The following MLIP variants were observed in gnomAD, a reference collection of about 807,000 sequenced individuals.
MLIP encodes muscular LMNA interacting protein, also known as muscular LMNA-interacting protein.
MLIP carries 79 observed loss-of-function variants against 84.8 expected under a neutral mutation model. The ratio of observed to expected loss-of-function variants is 0.93; its 90% confidence interval spans 0.78 to 1.12. MLIP has a LOEUF of 1.12. Among genes scored for constraint, MLIP ranks in the 50% most tolerant of loss-of-function variants. The pLI is 0.00. For missense variants in MLIP, 1,257 were observed against 1,160.6 expected, an observed-to-expected ratio of 1.08 and a Z score of -1.21; for synonymous variants, 504 against 463.0, an observed-to-expected ratio of 1.09 and a Z score of -1.14.
upstream of MLIP, among the ~76,000 whole-genome samples, chr6:54,110,936 G>A (rs187151057): frequency 2.8e-4 from 43 of 152,322 alleles, 1 homozygote; most frequent in African/African-American, 9.4e-4. Context: ...AGATGCTCCT[G>A]TATTGTTGCT....
chr6:54,205,188 A>G (rs956511951), intron 11 of MLIP, among the ~76,000 whole-genome samples: 3 of 152,256 alleles, frequency 2.0e-5, no homozygotes, highest in African/African-American at 7.2e-5. Flanking sequence ...TGCTTAAAAA[A>G]TAACTTGAAT....
intron 9 of MLIP, among the ~76,000 whole-genome samples, chr6:54,179,822 A>C (rs1196459834): frequency 6.6e-6 from 1 of 152,142 alleles, no homozygotes; most frequent in Non-Finnish European, 1.5e-5. Flanking sequence ...TCTACTTAAA[A>C]GCAGTTTACA....
At chr6:54,246,873 G>A (rs1782120473) in intron 12 of MLIP, among the ~76,000 whole-genome samples, 1 of 152,008 alleles carries the variant, frequency 6.6e-6, no homozygotes. Flanking sequence ...AATTCTAGGT[G>A]TTTATTTCTG....
intron 3 of MLIP, among the ~76,000 whole-genome samples, chr6:54,130,715 T>C (rs1247709898): frequency 1.3e-5 from 2 of 152,110 alleles, no homozygotes; most frequent in African/African-American, 2.4e-5. Context: ...ACGGGGAGGA[T>C]GCCTAAGTCA....
intron 3 of MLIP, among the ~76,000 whole-genome samples, chr6:54,125,240 C>A (rs1188654640): frequency 1.3e-5 from 2 of 152,018 alleles, no homozygotes; most frequent in South Asian, 4.2e-4. Context: ...ATATTTCAGA[C>A]GTAAGAAAGA....
chr6:54,099,138 T>C (rs987685178), intron 1 of MLIP, among the ~76,000 whole-genome samples: 1 of 152,208 alleles, frequency 6.6e-6, no homozygotes, highest in Non-Finnish European at 1.5e-5. Flanking sequence ...AAAAGTTGTT[T>C]TGAGAAGGAA....
At chr6:54,044,755 A>G (rs1175888841) in intron 1 of MLIP, among the ~76,000 whole-genome samples, 1 of 152,130 alleles carries the variant, frequency 6.6e-6, no homozygotes, top group African/African-American at 2.4e-5. Flanking sequence ...GGTCGGTGAA[A>G]TTAATGCCAC....
At chr6:54,188,000 C>T (rs530762186) in intron 9 of MLIP, among the ~76,000 whole-genome samples, 8 of 152,048 alleles carry the variant, frequency 5.3e-5, no homozygotes, top group East Asian at 3.9e-4. Context: ...AGGGAGACTC[C>T]GTCTCAAATT....
intron 11 of MLIP, among the ~76,000 whole-genome samples, chr6:54,212,552 T>C (rs1779533821): frequency 6.6e-6 from 1 of 152,204 alleles, no homozygotes; most frequent in African/African-American, 2.4e-5. Flanking sequence ...CCTGTGTGTG[T>C]GCGCCTGTGT....
chr6:54,215,032 G>A (rs1779752130), intron 11 of MLIP: 2 of 714,484 alleles, frequency 2.8e-6, no homozygotes, highest in African/African-American at 1.8e-5. Context: ...TTAGATTCTA[G>A]TAAGTTCTCA....
At chr6:54,139,391 T>A (rs1166318602) in intron 4 of MLIP, among the ~76,000 whole-genome samples, 1 of 152,152 alleles carries the variant, frequency 6.6e-6, no homozygotes, top group African/African-American at 2.4e-5. Flanking sequence ...ATGTCAGGCC[T>A]GTCGGAAATA....
At chr6:54,200,159 A>C (rs554274394) in intron 10 of MLIP, among the ~76,000 whole-genome samples, 11 of 152,142 alleles carry the variant, frequency 7.2e-5, no homozygotes, top group Non-Finnish European at 1.6e-4. Flanking sequence ...GTCACCCTGG[A>C]AAGGACTGAT....
intron 3 of MLIP, among the ~76,000 whole-genome samples, chr6:54,132,693 A>C (rs367999814): frequency 3.3e-5 from 5 of 152,322 alleles, no homozygotes; most frequent in East Asian, 3.9e-4. Flanking sequence ...AACCAACCAA[A>C]AAATCGAGAG....
In MLIP at chr6:54,160,520, A is replaced by G; in HGVS notation, c.2360A>G (p.Tyr787Cys). The G allele has an allele frequency of 6.2e-7, 1 of 1,612,410 alleles. No homozygotes were observed. Among genetic ancestry groups the G allele is most frequent in the Non-Finnish European group, 8.5e-7 (1 of 1,179,126 alleles). The change falls in exon 7 of 14, where the codon TAT becomes TGT. Residue 787 changes from tyrosine (Y) to cysteine (C), a missense_variant. By Grantham distance (194) the Tyr-to-Cys change is radical. Coordinates refer to ENST00000502396, the MANE Select transcript of MLIP (RefSeq NM_001281747.2). ...DNTLEPPVEL[Y>C]FPAQLRQQTE... ...ACCTGGTTTCAATTCTTCCAGCTCTATTTTCCTGCACAGCTCAGGCAGCAA... is the reference window on the plus strand; with the variant it reads ...ACCTGGTTTCAATTCTTCCAGCTCTGTTTTCCTGCACAGCTCAGGCAGCAA...
chr6:54,263,185 A>G (rs1241743680), intron 13 of MLIP, among the ~76,000 whole-genome samples: 14 of 152,022 alleles, frequency 9.2e-5, no homozygotes, highest in Admixed American at 9.2e-4. Context: ...CAAAACACTA[A>G]GATCAGGGTT....
At chr6:54,046,364 ATAAAGT>A (rs1323191373) in intron 1 of MLIP, 1 of 152,056 alleles carries the variant, frequency 6.6e-6, no homozygotes, top group Non-Finnish European at 1.5e-5. Context: ...TATATAGAAA[ATAAAGT>A]TAAAAGAAAA....
chr6:54,021,153 C>T (rs749204808), intron 1 of MLIP, among the ~76,000 whole-genome samples: 5 of 152,116 alleles, frequency 3.3e-5, no homozygotes, highest in Admixed American at 1.3e-4. Context: ...ACCAATGTAA[C>T]ACAGTATGAC....
chr6:54,187,569 A>G (rs1172984255), intron 9 of MLIP, among the ~76,000 whole-genome samples: 1 of 152,236 alleles, frequency 6.6e-6, no homozygotes, highest in Non-Finnish European at 1.5e-5. Context: ...TGCCATGTTA[A>G]ACATACTAAC....
chr6:54,102,248 G>A (rs1466425682), intron 1 of MLIP, among the ~76,000 whole-genome samples: 2 of 152,122 alleles, frequency 1.3e-5, no homozygotes. Context: ...TTCTCTTGCT[G>A]GCTTGTGAGA....
Sources: allele counts gnomAD v4.1 joint callset (sites outside exome capture counted in the v4.1 genomes callset), GRCh38; gene constraint gnomAD v4.1.1; transcripts MANE v1.5; gene names NCBI Gene and HGNC (gene_info 2026-07-23, HGNC 2026-07-21).